The following TRHDE variants were observed in gnomAD, a reference collection of about 807,000 sequenced individuals.
The protein encoded by TRHDE is thyrotropin releasing hormone degrading enzyme.
A neutral mutation model predicts 125.7 loss-of-function variants in TRHDE; 72 were observed. That is an observed-to-expected ratio of 0.57 (90% confidence interval 0.47 to 0.70). The LOEUF is 0.70. Ranked by LOEUF, TRHDE falls within the 30% of genes least tolerant of loss-of-function variation. The pLI is 0.00. For synonymous variants in TRHDE, 509 were observed against 509.1 expected (o/e 1.00, Z 0.00); for missense variants, 1,110 against 1,327.1 (o/e 0.84, Z 2.54).
At chr12:72,333,117 G>GC (rs1249676900) in intron 2 of TRHDE, among the ~76,000 whole-genome samples, 3 of 152,202 alleles carry the variant, frequency 2.0e-5, no homozygotes, top group African/African-American at 7.2e-5. Context: ...TTGATTTAAT[G>GC]CCCCCAGTAA....
chr12:72,227,507 C>T (rs918161526), intron 2 of TRHDE, among the ~76,000 whole-genome samples: 1 of 152,152 alleles, frequency 6.6e-6, no homozygotes, highest in Non-Finnish European at 1.5e-5. Context: ...ATTGTGAGAG[C>T]TACAATCCAA....
At chr12:72,128,196 G>C (rs997909172) in intron 2 of TRHDE, among the ~76,000 whole-genome samples, 2 of 152,042 alleles carry the variant, frequency 1.3e-5, no homozygotes, top group African/African-American at 4.8e-5. Flanking sequence ...CTCAGTAGTG[G>C]GAAATAATTA....
At chr12:72,309,609 A>G (rs1035099563) in intron 2 of TRHDE, 1 of 152,166 alleles carries the variant, frequency 6.6e-6, no homozygotes, top group Non-Finnish European at 1.5e-5. Flanking sequence ...TTGATAGTTC[A>G]ACTTCCTCAA....
intron 12 of TRHDE, among the ~76,000 whole-genome samples, chr12:72,577,989 TCTTA>T (rs1399055792): frequency 6.6e-6 from 1 of 152,210 alleles, no homozygotes; most frequent in Non-Finnish European, 1.5e-5. Context: ...AATTCTCTGG[TCTTA>T]CTTGGAGTTA....
intron 2 of TRHDE, among the ~76,000 whole-genome samples, chr12:72,172,738 G>T (rs1381671062): frequency 6.6e-6 from 1 of 152,174 alleles, no homozygotes; most frequent in African/African-American, 2.4e-5. Context: ...ATAATTCCAG[G>T]ATTAAAAGAT....
intron 2 of TRHDE, among the ~76,000 whole-genome samples, chr12:72,182,934 C>G (rs891492041): frequency 5.3e-5 from 8 of 151,862 alleles, no homozygotes; most frequent in Non-Finnish European, 1.2e-4. Flanking sequence ...TGTTGTAAGA[C>G]AATGTTATGG....
intron 5 of TRHDE, among the ~76,000 whole-genome samples, chr12:72,494,746 A>C (rs1254932224): frequency 6.6e-6 from 1 of 152,084 alleles, no homozygotes; most frequent in African/African-American, 2.4e-5. Context: ...GATAAGAACT[A>C]TTAATAATTC....
At chr12:72,262,362 T>C (rs1321411529) in intron 2 of TRHDE, among the ~76,000 whole-genome samples, 3 of 152,072 alleles carry the variant, frequency 2.0e-5, no homozygotes, top group African/African-American at 4.8e-5. Flanking sequence ...CTATAGAACA[T>C]TGAACATTAA....
At chr12:72,661,096 CA>C (rs1874899690) in intron 18 of TRHDE, among the ~76,000 whole-genome samples, 1 of 152,120 alleles carries the variant, frequency 6.6e-6, no homozygotes, top group African/African-American at 2.4e-5. Context: ...TCTGAGCCCA[CA>C]AGGGGAGTAT....
At chr12:72,636,172 A>T (rs1453605140) in intron 15 of TRHDE, among the ~76,000 whole-genome samples, 1 of 152,010 alleles carries the variant, frequency 6.6e-6, no homozygotes, top group South Asian at 2.1e-4. Context: ...ATCCTCTTTT[A>T]TTTCATTGAG....
At chr12:72,654,040 T>A (rs1874612598) in intron 17 of TRHDE, among the ~76,000 whole-genome samples, 1 of 152,320 alleles carries the variant, frequency 6.6e-6, no homozygotes. Context: ...TTGACTTTTT[T>A]AATATTTTCA....
chr12:72,486,951 A>G (rs1877438525), intron 5 of TRHDE, among the ~76,000 whole-genome samples: 1 of 152,160 alleles, frequency 6.6e-6, no homozygotes, highest in Non-Finnish European at 1.5e-5. Flanking sequence ...TTAAACAAGA[A>G]GAGATAGATA....
rs184270593 is a variant in TRHDE, at chr12:72,521,673, C to A, written c.1723-20618C>A. On this transcript the variant is annotated intron_variant, in intron 6 of 18. Transcript: ENST00000261180. Reference sequence around the variant, plus strand: ...TAAGCCCAAGTAAAGCATGACCAACCAGCTGAATATCTGTGTTTTGCTTAC... The same window carrying A: ...TAAGCCCAAGTAAAGCATGACCAACAAGCTGAATATCTGTGTTTTGCTTAC... Among the ~76,000 whole-genome samples the A allele has an allele frequency of 1.4e-4, 22 of 152,296 alleles. No homozygotes were observed. In the East Asian group the frequency reaches 3.9e-3, roughly 27 times the overall value.
chr12:72,397,814 A>AAATT (rs1010110629), intron 3 of TRHDE, among the ~76,000 whole-genome samples: 2 of 152,116 alleles, frequency 1.3e-5, no homozygotes, highest in African/African-American at 2.4e-5. Flanking sequence ...GGCATTTTTT[A>AAATT]AATTAATTAA....
At chr12:72,662,342 T>C (rs1874949573) in intron 18 of TRHDE, among the ~76,000 whole-genome samples, 1 of 152,206 alleles carries the variant, frequency 6.6e-6, no homozygotes, top group Non-Finnish European at 1.5e-5. Flanking sequence ...TTCCAGAGTA[T>C]GTGAACTCTC....
intron 6 of TRHDE, among the ~76,000 whole-genome samples, chr12:72,520,790 G>A (rs924802863): frequency 1.3e-5 from 2 of 152,086 alleles, no homozygotes; most frequent in Admixed American, 6.5e-5. Context: ...AAAGTAATAA[G>A]GTTCACGCAT....
intron 2 of TRHDE, among the ~76,000 whole-genome samples, chr12:72,224,116 ATC>A (rs1277539575): frequency 1.8e-5 from 1 of 56,786 alleles, no homozygotes; most frequent in East Asian, 3.1e-4. Context: ...CTATCTATCT[ATC>A]TATCTATCTA....
At chr12:72,543,204 T>C (rs949313865) in intron 7 of TRHDE, among the ~76,000 whole-genome samples, 8 of 151,464 alleles carry the variant, frequency 5.3e-5, no homozygotes, top group South Asian at 2.1e-4. Flanking sequence ...GTCCAGGTCA[T>C]ATTTTAGTAG....
intron 2 of TRHDE, chr12:72,255,831 C>T (rs1878801591): frequency 6.6e-6 from 1 of 152,130 alleles, no homozygotes; most frequent in Non-Finnish European, 1.5e-5. Context: ...GGGAACTGTC[C>T]TGCGATAAAT....
Sources: gnomAD v4.1 joint callset for allele counts (sites outside exome capture counted in the v4.1 genomes callset) on GRCh38, gnomAD v4.1.1 for gene constraint, MANE v1.5 for transcripts, NCBI Gene and HGNC (gene_info 2026-07-23, HGNC 2026-07-21) for gene names.